GRIA1: variants seen among roughly 807,000 people sequenced by gnomAD.
GRIA1 encodes glutamate receptor 1.
In GRIA1, 31 loss-of-function variants were observed where a neutral mutation model predicts 99.2. The observed-to-expected ratio is 0.31, with a 90% confidence interval of 0.23 to 0.42. The LOEUF is 0.42. GRIA1 is among the 10% of genes least tolerant of loss of function. GRIA1 has a pLI of 1.00. For missense variants in GRIA1, 782 were observed against 1,157.5 expected, an observed-to-expected ratio of 0.68 and a Z score of 4.71; for synonymous variants, 438 against 432.4, an observed-to-expected ratio of 1.01 and a Z score of -0.16.
chr5:153,661,197 CTG>C (rs1041323042), intron 5 of GRIA1, among the ~76,000 whole-genome samples: 6 of 152,192 alleles, frequency 3.9e-5, no homozygotes, highest in African/African-American at 1.4e-4. Context: ...CCTGTTGGCT[CTG>C]TACCTCACAG....
chr5:153,804,736 T>TTAATTA (rs1561874919), intron 15 of GRIA1, among the ~76,000 whole-genome samples: 8 of 37,488 alleles, frequency 2.1e-4, no homozygotes, highest in South Asian at 2.2e-3. Flanking sequence ...TTAATTAATT[T>TTAATTA]ATTTATTTAT....
chr5:153,655,244 A>G (rs964760414), intron 4 of GRIA1, among the ~76,000 whole-genome samples: 4 of 152,160 alleles, frequency 2.6e-5, no homozygotes, highest in African/African-American at 4.8e-5. Context: ...TGAGTACCTA[A>G]CTGATTCGGG....
intron 11 of GRIA1, among the ~76,000 whole-genome samples, chr5:153,729,350 A>G (rs1419461022): frequency 2.0e-5 from 3 of 151,982 alleles, no homozygotes; most frequent in African/African-American, 7.2e-5. Context: ...TAACCTGCAC[A>G]TTGTGCACAT....
chr5:153,516,995 G>C (rs750983428), intron 2 of GRIA1, among the ~76,000 whole-genome samples: 3 of 152,150 alleles, frequency 2.0e-5, no homozygotes, highest in Non-Finnish European at 2.9e-5. Flanking sequence ...TAAGATGAGT[G>C]ACAAATGACG....
intron 9 of GRIA1, 39 bp from the exon 10 acceptor site, chr5:153,698,828 C>T: frequency 7.3e-7 from 1 of 1,360,862 alleles, no homozygotes; most frequent in Non-Finnish European, 1.1e-6. Context: ...TGGGTGAACC[C>T]ATAACCCACA....
chr5:153,724,394 A>G (rs7717329), intron 11 of GRIA1, among the ~76,000 whole-genome samples: 79,320 of 151,838 alleles, frequency 0.52, 21,634 homozygotes, highest in East Asian at 0.94. Flanking sequence ...AAAGCTGGAC[A>G]GAGAATGACT....
chr5:153,746,278 G>A (rs185793835), intron 11 of GRIA1, among the ~76,000 whole-genome samples: 173 of 152,276 alleles, frequency 1.1e-3, no homozygotes, highest in Middle Eastern at 3.4e-3. Context: ...GGGATATGTG[G>A]GAGGGAGGGA....
chr5:153,526,211 G>A (rs1007490101), intron 2 of GRIA1, among the ~76,000 whole-genome samples: 4 of 152,128 alleles, frequency 2.6e-5, no homozygotes, highest in African/African-American at 4.8e-5. Context: ...AAAATGTACC[G>A]CAGTTGCTCC....
At chr5:153,573,250 C>A (rs1762273543) in intron 2 of GRIA1, 4 of 152,106 alleles carry the variant, frequency 2.6e-5, no homozygotes, top group African/African-American at 7.2e-5. Context: ...GGGCTAGGGG[C>A]CTGCCTGGAG....
At chr5:153,495,277 A>C (rs549973408) in intron 2 of GRIA1, among the ~76,000 whole-genome samples, 1 of 152,210 alleles carries the variant, frequency 6.6e-6, no homozygotes, top group African/African-American at 2.4e-5. Flanking sequence ...CATGTAATGC[A>C]CTAATTGCTT....
chr5:153,668,210 A>G (rs1447719319), intron 5 of GRIA1, among the ~76,000 whole-genome samples: 2 of 152,180 alleles, frequency 1.3e-5, no homozygotes, highest in Admixed American at 6.5e-5. Flanking sequence ...CTAACTGGCC[A>G]TATAACCTTA....
chr5:153,770,224 A>C lies in GRIA1; in HGVS notation c.2079A>C (p.Pro693=), dbSNP rs781276653. 1.2e-5 allele frequency: 20 copies of C among 1,613,936 alleles called. No individual in the cohort carries two copies. The highest frequency in any genetic ancestry group is 1.7e-5 in the Non-Finnish European group (20 of 1,179,840). The part of the protein sequence containing the change: ...KMWTYMKSAE[P]SVFVRTTEEG... ...GGACATACATGAAGTCAGCAGAGCC[A>C]TCAGTTTTTGTGCGGACCACAGAGG... The change falls in exon 13 of 16, where the codon CCA becomes CCC. Residue 693 remains proline, a synonymous_variant. Coordinates refer to ENST00000285900, the MANE Select transcript of GRIA1 (RefSeq NM_000827.4).
At chr5:153,602,651 A>G (rs1765085334) in intron 2 of GRIA1, among the ~76,000 whole-genome samples, 1 of 152,146 alleles carries the variant, frequency 6.6e-6, no homozygotes, top group Admixed American at 6.6e-5. Flanking sequence ...AAAAAGATAA[A>G]GTAATTTGCC....
At chr5:153,794,544 C>T (rs1176397434) in intron 13 of GRIA1, 77 bp from the exon 14 acceptor site, 9 of 977,716 alleles carry the variant, frequency 9.2e-6, no homozygotes, top group Non-Finnish European at 1.5e-5. Context: ...AGCTGATTCA[C>T]CGATCCCTTG....
chr5:153,741,944 A>G (rs576671446), intron 11 of GRIA1, among the ~76,000 whole-genome samples: 102 of 126,718 alleles, frequency 8.0e-4, no homozygotes, highest in African/African-American at 2.9e-3. Context: ...TAAAAAAAAA[A>G]AAAAAAGAAA....
At chr5:153,503,769 C>T (rs1755227944) in intron 2 of GRIA1, among the ~76,000 whole-genome samples, 1 of 152,104 alleles carries the variant, frequency 6.6e-6, no homozygotes, top group African/African-American at 2.4e-5. Context: ...GGGGGAAAGC[C>T]CATTTGAGCA....
Position 153,646,789 on chromosome 5 carries a change from T to C in GRIA1, c.221-139T>C, listed in dbSNP as rs1368776734. The C allele has an allele frequency of 2.8e-5, 25 of 883,186 alleles. No individual in the cohort carries two copies. In the East Asian group the frequency reaches 5.4e-4, roughly 19 times the overall value. 54.7% of individuals were successfully genotyped at this position (883,186 alleles called of 1,614,324 possible). Reference sequence around the variant, plus strand: ...AAGGATGAATGGATGGATTGGTTTGTTGGATGGGTAGATGGATAGATGACA... The same window carrying C: ...AAGGATGAATGGATGGATTGGTTTGCTGGATGGGTAGATGGATAGATGACA... On this transcript the variant is annotated intron_variant, in intron 2 of 15. Coordinates refer to ENST00000285900, the MANE Select transcript of GRIA1 (RefSeq NM_000827.4).
chr5:153,551,158 C>T (rs560467406), intron 2 of GRIA1, among the ~76,000 whole-genome samples: 1 of 152,204 alleles, frequency 6.6e-6, no homozygotes, highest in African/African-American at 2.4e-5. Flanking sequence ...AGGATATGCA[C>T]AAATAGAAGA....
chr5:153,731,464 C>T (rs529940290), intron 11 of GRIA1, among the ~76,000 whole-genome samples: 3 of 152,024 alleles, frequency 2.0e-5, no homozygotes, highest in African/African-American at 7.2e-5. Flanking sequence ...GCCTGTAGCT[C>T]CTGCCTTCAG....
Sources: allele counts gnomAD v4.1 joint callset (sites outside exome capture counted in the v4.1 genomes callset), GRCh38; gene constraint gnomAD v4.1.1; transcripts MANE v1.5; gene names NCBI Gene and HGNC (gene_info 2026-07-23, HGNC 2026-07-21).